Variants in SPATA17 observed in about 807,000 individuals in gnomAD.
SPATA17 encodes the protein spermatogenesis associated 17, also known as spermatogenesis-associated protein 17.
Under a neutral mutation model 62.2 loss-of-function variants are expected in SPATA17, and 53 were observed. The ratio of observed to expected loss-of-function variants is 0.85; its 90% confidence interval spans 0.68 to 1.07. The LOEUF is 1.07. SPATA17 is among the 50% of genes least tolerant of loss of function. The pLI is 0.00. For missense variants in SPATA17, 466 were observed against 425.5 expected (o/e 1.10, Z -0.84); for synonymous variants, 146 against 146.8 (o/e 0.99, Z 0.04).
intron 1 of SPATA17, among the ~76,000 whole-genome samples, chr1:217,643,601 A>G (rs541229184): frequency 6.6e-6 from 1 of 152,238 alleles, no homozygotes; most frequent in Admixed American, 6.5e-5. Flanking sequence ...CACCCTTTGT[A>G]GCACAGTGCC....
chr1:217,840,718 G>A (rs899381288), intron 9 of SPATA17, among the ~76,000 whole-genome samples: 1 of 151,978 alleles, frequency 6.6e-6, no homozygotes, highest in Admixed American at 6.6e-5. Context: ...AATTAGCTGA[G>A]TGTGGTGGGG....
At chr1:217,700,108 T>C (rs1671557761) in intron 5 of SPATA17, among the ~76,000 whole-genome samples, 1 of 152,170 alleles carries the variant, frequency 6.6e-6, no homozygotes, top group Admixed American at 6.5e-5. Flanking sequence ...TTCCTTTCAC[T>C]CTATTTTTTT....
At position 217,869,347 on chromosome 1, in the gene SPATA17, A is replaced by C. The variant is rs1055495437; in HGVS notation, c.*2328A>C. 4 of 152,178 alleles carry C rather than the reference A, an allele frequency of 2.6e-5. No homozygotes were observed. Among genetic ancestry groups the C allele is most frequent in the Non-Finnish European group, 5.9e-5 (4 of 68,024 alleles). The allele number at this position is 152,178 out of a possible 1,614,324, so 9.4% of individuals were successfully genotyped here. On this transcript the variant is annotated 3_prime_UTR_variant, in exon 11 of 11. Coordinates refer to ENST00000366933, the MANE Select transcript of SPATA17 (RefSeq NM_138796.4). ...TTACCTGGATTAAAATAAGGGGACC[A>C]AGGTTCTCATGCAGATGAAGCCTCC...
chr1:217,811,254 G>A (rs145650598), intron 9 of SPATA17, among the ~76,000 whole-genome samples: 9 of 151,870 alleles, frequency 5.9e-5, no homozygotes, highest in African/African-American at 1.9e-4. Context: ...GGCTGGTCTC[G>A]AACTCCTGGC....
At chr1:217,704,561 C>T (rs939405957) in intron 5 of SPATA17, among the ~76,000 whole-genome samples, 1 of 152,152 alleles carries the variant, frequency 6.6e-6, no homozygotes, top group Non-Finnish European at 1.5e-5. Context: ...TTCCCTCTAC[C>T]TTTAAGTGGT....
intron 6 of SPATA17, among the ~76,000 whole-genome samples, chr1:217,747,977 A>G (rs1672804557): frequency 6.6e-6 from 1 of 152,212 alleles, no homozygotes; most frequent in Admixed American, 6.5e-5. Flanking sequence ...ATATTAAATC[A>G]TATTTGTATA....
intron 8 of SPATA17, among the ~76,000 whole-genome samples, chr1:217,801,482 T>G (rs1209981510): frequency 6.6e-6 from 1 of 152,172 alleles, no homozygotes; most frequent in Non-Finnish European, 1.5e-5. Flanking sequence ...TACTTGAGAC[T>G]CACAAAAATT....
chr1:217,774,139 T>C (rs1314756512), intron 6 of SPATA17, among the ~76,000 whole-genome samples, 195 bp from the exon 7 acceptor site: 3 of 152,188 alleles, frequency 2.0e-5, no homozygotes, highest in African/African-American at 7.2e-5. Flanking sequence ...ATTGAAATTG[T>C]TGGTCTAGAG....
At chr1:217,741,889 C>G in intron 5 of SPATA17, 86 bp from the exon 6 acceptor site, 1 of 1,503,978 alleles carries the variant, frequency 6.6e-7, no homozygotes, top group Admixed American at 1.8e-5. Context: ...GATGGTTGCC[C>G]CTCAAAAAAA....
chr1:217,637,739 G>A (rs1223962898), intron 1 of SPATA17, among the ~76,000 whole-genome samples: 2 of 152,078 alleles, frequency 1.3e-5, no homozygotes, highest in African/African-American at 4.8e-5. Flanking sequence ...CCCTTCCCCT[G>A]ATTCTAATTA....
chr1:217,836,168 T>G (rs1675255391), intron 9 of SPATA17, among the ~76,000 whole-genome samples: 1 of 152,150 alleles, frequency 6.6e-6, no homozygotes. Flanking sequence ...GTGGTCTTTG[T>G]GCAGTGAGCA....
rs374042087 is a variant in SPATA17 at position 217,770,978 on chromosome 1, A to ATTTTTTTTTTTTTTT, written c.520-3340_520-3326dup. The stretch of plus-strand genomic sequence containing the variant: ...ATGTATCTATTATATAACTCATTGC[A>ATTTTTTTTTTTTTTT]TTTTTTTTTTTTTTTTTTTTTTTTT... On this transcript the variant is annotated intron_variant, in intron 6 of 10. Transcript: ENST00000366933. 4.8e-4 allele frequency among the ~76,000 whole-genome samples: 24 copies of ATTTTTTTTTTTTTTT among 50,162 alleles called. 1 individual carries two copies. The highest frequency in any genetic ancestry group is 1.0e-3 in the South Asian group (1 of 1,000). The allele number at this position is 50,162 out of a possible 152,430, so 32.9% of individuals were successfully genotyped here. A position where few individuals can be genotyped will look rare whatever the true frequency, so the allele number is the denominator to read the frequency against.
intron 5 of SPATA17, among the ~76,000 whole-genome samples, chr1:217,736,043 A>C (rs1254978431): frequency 6.6e-6 from 1 of 151,966 alleles, no homozygotes; most frequent in Non-Finnish European, 1.5e-5. Context: ...TTCCTCAAAA[A>C]TATTTTATAG....
At chr1:217,717,662 A>G (rs1672038462) in intron 5 of SPATA17, among the ~76,000 whole-genome samples, 1 of 152,094 alleles carries the variant, frequency 6.6e-6, no homozygotes, top group African/African-American at 2.4e-5. Context: ...TTTTTTTACA[A>G]ATCCCATCTT....
At chr1:217,714,233 A>T (rs1250215339) in intron 5 of SPATA17, among the ~76,000 whole-genome samples, 2 of 151,806 alleles carry the variant, frequency 1.3e-5, no homozygotes, top group Non-Finnish European at 2.9e-5. Flanking sequence ...ACTAAAAATT[A>T]AAAAAATTAG....
intron 9 of SPATA17, among the ~76,000 whole-genome samples, chr1:217,825,862 A>G (rs1014887522): frequency 6.6e-6 from 1 of 152,080 alleles, no homozygotes. Flanking sequence ...CCAAGAACAC[A>G]CTATGTTTCT....
At chr1:217,672,969 A>G (rs1670864953) in intron 4 of SPATA17, among the ~76,000 whole-genome samples, 1 of 152,146 alleles carries the variant, frequency 6.6e-6, no homozygotes, top group South Asian at 2.1e-4. Context: ...GGTTAAATAA[A>G]TATCCCTGAA....
chr1:217,798,495 A>G (rs1025672686), intron 8 of SPATA17, among the ~76,000 whole-genome samples: 3 of 152,246 alleles, frequency 2.0e-5, no homozygotes. Flanking sequence ...TTTATAATTC[A>G]TAAATATGAA....
chr1:217,834,394 A>G (rs1675213782), intron 9 of SPATA17, among the ~76,000 whole-genome samples: 1 of 152,146 alleles, frequency 6.6e-6, no homozygotes, highest in Non-Finnish European at 1.5e-5. Flanking sequence ...AGGCATTATT[A>G]TCTTAGGAGA....
Sources: allele counts gnomAD v4.1 joint callset (sites outside exome capture counted in the v4.1 genomes callset), GRCh38; gene constraint gnomAD v4.1.1; transcripts MANE v1.5; gene names NCBI Gene and HGNC (gene_info 2026-07-23, HGNC 2026-07-21).